The following NDUFAF6 variants were observed in gnomAD, a reference collection of about 807,000 sequenced individuals.
NDUFAF6 encodes NADH:ubiquinone oxidoreductase complex assembly factor 6.
A neutral mutation model predicts 40.8 loss-of-function variants in NDUFAF6; 45 were observed. The ratio of observed to expected loss-of-function variants is 1.10; its 90% confidence interval spans 0.87 to 1.42. NDUFAF6 has a LOEUF of 1.42. Ranked by LOEUF, NDUFAF6 falls within the 40% of genes most tolerant of loss-of-function variation. The pLI is 0.00. For missense variants in NDUFAF6, 435 were observed against 418.5 expected (o/e 1.04, Z -0.34); for synonymous variants, 185 against 155.9 (o/e 1.19, Z -1.39).
At chr8:94,990,521 T>C (rs1392155207) in intron 2 of NDUFAF6, among the ~76,000 whole-genome samples, 2 of 151,338 alleles carry the variant, frequency 1.3e-5, no homozygotes, top group Non-Finnish European at 2.9e-5. Context: ...ACTAAACCTT[T>C]CCAAAAAAAA....
chr8:95,114,908 C>T (rs550618815), intron 4 of NDUFAF6, among the ~76,000 whole-genome samples: 3 of 152,138 alleles, frequency 2.0e-5, no homozygotes, highest in African/African-American at 4.8e-5. Flanking sequence ...GAAAGCGTCT[C>T]GAAATTAGCC....
chr8:94,918,018 C>G (rs1288559334), intron 1 of NDUFAF6, among the ~76,000 whole-genome samples: 1 of 152,102 alleles, frequency 6.6e-6, no homozygotes, highest in African/African-American at 2.4e-5. Context: ...TTTTGATCAG[C>G]GAAACTTTGT....
chr8:95,095,749 C>CT (rs1809440633), upstream of NDUFAF6, among the ~76,000 whole-genome samples: 1 of 151,792 alleles, frequency 6.6e-6, no homozygotes, highest in South Asian at 2.1e-4. Flanking sequence ...ATTGCAACCT[C>CT]TGCCCCCTGG....
At chr8:95,007,485 T>G (rs1827043928) in intron 2 of NDUFAF6, among the ~76,000 whole-genome samples, 1 of 151,906 alleles carries the variant, frequency 6.6e-6, no homozygotes, top group Admixed American at 6.6e-5. Flanking sequence ...GAAACATAGT[T>G]AGACCCCATT....
intron 1 of NDUFAF6, among the ~76,000 whole-genome samples, chr8:94,913,084 A>G (rs574250247): frequency 1.3e-5 from 2 of 152,338 alleles, no homozygotes; most frequent in South Asian, 2.1e-4. Flanking sequence ...AACTCTTTCA[A>G]TATATACAGG....
chr8:94,938,457 A>G (rs1563728940), intron 1 of NDUFAF6, among the ~76,000 whole-genome samples: 2 of 152,234 alleles, frequency 1.3e-5, no homozygotes, highest in African/African-American at 4.8e-5. Flanking sequence ...GCGTATGCTA[A>G]TTAGTTGACT....
chr8:94,946,778 G>A (rs980345688), intron 2 of NDUFAF6, among the ~76,000 whole-genome samples: 2 of 149,586 alleles, frequency 1.3e-5, no homozygotes, highest in African/African-American at 2.5e-5. Flanking sequence ...GTGAATTCAG[G>A]ATATTTACTA....
intron 1 of NDUFAF6, among the ~76,000 whole-genome samples, chr8:94,935,015 A>G (rs1292318897): frequency 6.6e-6 from 1 of 152,134 alleles, no homozygotes; most frequent in East Asian, 1.9e-4. Flanking sequence ...GAGACTTGAG[A>G]GTATGGCAAA....
intron 1 of NDUFAF6, among the ~76,000 whole-genome samples, chr8:94,973,920 A>G (rs75680386): frequency 0.13 from 19,566 of 151,676 alleles, 1,605 homozygotes; most frequent in Middle Eastern, 0.23. Flanking sequence ...CCCACCCTCC[A>G]GAACTGTGAG....
chr8:94,945,317 C>G (rs923208798), intron 1 of NDUFAF6, among the ~76,000 whole-genome samples: 2 of 152,140 alleles, frequency 1.3e-5, no homozygotes, highest in Non-Finnish European at 2.9e-5. Flanking sequence ...TAGTACCCCC[C>G]AAAATGCAAA....
chr8:95,071,774 G>A (rs1281894330), intron 9 of NDUFAF6: 1 of 152,352 alleles, frequency 6.6e-6, no homozygotes, highest in Non-Finnish European at 1.5e-5. Flanking sequence ...GTGGCCTGTG[G>A]GAATTTTGAG....
intron 7 of NDUFAF6, among the ~76,000 whole-genome samples, chr8:95,049,935 T>C (rs1390889874): frequency 1.3e-5 from 2 of 152,230 alleles, no homozygotes; most frequent in Non-Finnish European, 2.9e-5. Flanking sequence ...TTGTGAAATA[T>C]TAAATACGTA....
chr8:94,985,500 TATATATATATA>T (rs1825791791), intron 2 of NDUFAF6, among the ~76,000 whole-genome samples: 1 of 8,822 alleles, frequency 1.1e-4, no homozygotes, highest in African/African-American at 4.7e-4. Context: ...TATATATATA[TATATATATATA>T]TATATTTTTT....
chr8:95,031,473 T>A (rs1828830692), intron 1 of NDUFAF6, among the ~76,000 whole-genome samples: 2 of 152,184 alleles, frequency 1.3e-5, no homozygotes, highest in African/African-American at 4.8e-5. Flanking sequence ...CAGTTAAAAT[T>A]ATAAGTACTA....
At chr8:95,060,576 C>T (rs28521724), downstream of NDUFAF6, among the ~76,000 whole-genome samples, 511 of 152,274 alleles carry the variant, frequency 3.4e-3, 3 homozygotes, top group African/African-American at 0.011. Flanking sequence ...TGGTGTACTT[C>T]GCACTTTTAT....
Position 95,047,118 on chromosome 8 carries a change from T to A in NDUFAF6, c.705T>A (p.Ile235=). The change falls in exon 6 of 9, where the codon ATT becomes ATA. Residue 235 remains isoleucine, a synonymous_variant. Transcript: ENST00000396124. ...SRRKVFLPMD[I]CMLHGVSQED... ...GAAAGGTGTTCCTTCCCATGGATAT[T>A]TGTATGCTGGTAAGGCTGTAATTTG... 1.2e-6 allele frequency: 2 copies of A among 1,614,158 alleles called. No individual in the cohort carries two copies. Among genetic ancestry groups the A allele is most frequent in the South Asian group, 2.2e-5 (2 of 91,086 alleles).
rs765915512 is a variant in NDUFAF6 at position 95,045,622 on chromosome 8, TCTTTA to T, written c.559_563del (p.Tyr187AsnfsTer65). The T allele has an allele frequency of 1.7e-5, 28 of 1,613,060 alleles. No individual in the cohort carries two copies. Among genetic ancestry groups the T allele is most frequent in the Admixed American group, 6.7e-5 (4 of 59,992 alleles). On this transcript the variant is annotated frameshift_variant, in exon 5 of 9. Coordinates refer to ENST00000396124, the MANE Select transcript of NDUFAF6 (RefSeq NM_152416.4). LOFTEE classifies it high-confidence loss of function. ...ATGCTGAAAACACACAGAGCTCTCT[TCTTTA>T]CTTAACACTAGAAATATTGGGTAAG...
chr8:94,919,151 T>G (rs1469084058), intron 1 of NDUFAF6, among the ~76,000 whole-genome samples: 2 of 152,214 alleles, frequency 1.3e-5, no homozygotes, highest in African/African-American at 4.8e-5. Flanking sequence ...GTGTAATTAT[T>G]TGAAAGTCCT....
At chr8:94,976,211 T>A (rs866174921) in intron 1 of NDUFAF6, among the ~76,000 whole-genome samples, 18,303 of 49,444 alleles carry the variant, frequency 0.37, 1,555 homozygotes, top group Middle Eastern at 0.55. Context: ...AAAAAAAAAA[T>A]ACTGATGTTT....
Sources: gnomAD v4.1 joint callset for allele counts (sites outside exome capture counted in the v4.1 genomes callset) on GRCh38, gnomAD v4.1.1 for gene constraint, MANE v1.5 for transcripts, NCBI Gene and HGNC (gene_info 2026-07-23, HGNC 2026-07-21) for gene names.